Variants in SLC24A3 observed in about 807,000 individuals in gnomAD.
SLC24A3 encodes the protein solute carrier family 24 member 3.
Under a neutral mutation model 75.8 loss-of-function variants are expected in SLC24A3, and 28 were observed. The ratio of observed to expected loss-of-function variants is 0.37; its 90% CI spans 0.27 to 0.51. The LOEUF (loss-of-function observed/expected upper bound fraction) is 0.51, where lower values mean the gene tolerates loss of function less well. SLC24A3 is among the 20% of genes least tolerant of loss of function. The pLI, the probability that SLC24A3 is intolerant of heterozygous loss-of-function variation, is 0.94. For missense variants in SLC24A3, 663 were observed against 847.8 expected (o/e 0.78, Z 2.71); for synonymous variants, 372 against 334.1 (o/e 1.11, Z -1.24).
intron 2 of SLC24A3, among the ~76,000 whole-genome samples, chr20:19,440,746 G>A (rs1022349608): frequency 1.3e-5 from 2 of 150,744 alleles, no homozygotes; most frequent in Admixed American, 1.3e-4. Flanking sequence ...CCAAGGAAGT[G>A]TGTCAGCAGA....
chr20:19,338,451 C>T (rs1449137663), intron 2 of SLC24A3, among the ~76,000 whole-genome samples: 1 of 152,180 alleles, frequency 6.6e-6, no homozygotes, highest in Non-Finnish European at 1.5e-5. Flanking sequence ...GTGGAACTCC[C>T]TGAGGCTGTG....
chr20:19,699,316 G>C (rs750500890), intron 15 of SLC24A3, among the ~76,000 whole-genome samples: 4 of 152,234 alleles, frequency 2.6e-5, no homozygotes, highest in Non-Finnish European at 5.9e-5. Context: ...ACGCCCTGGC[G>C]GGGAGAGGGG....
chr20:19,602,803 C>T (rs998551293), intron 6 of SLC24A3, among the ~76,000 whole-genome samples: 10 of 152,106 alleles, frequency 6.6e-5, no homozygotes, highest in African/African-American at 2.2e-4. Flanking sequence ...CACGGGAGTC[C>T]CTGACTCTCT....
intron 2 of SLC24A3, 24 bp from the exon 3 acceptor site, chr20:19,515,464 C>G: frequency 6.2e-7 from 1 of 1,612,806 alleles, no homozygotes; most frequent in Non-Finnish European, 8.5e-7. Context: ...TGTGCTGAGA[C>G]GGTTTTCTTT....
At chr20:19,541,217 A>G (rs1353628889) in intron 3 of SLC24A3, among the ~76,000 whole-genome samples, 2 of 152,228 alleles carry the variant, frequency 1.3e-5, no homozygotes, top group East Asian at 1.9e-4. Context: ...AATGGCTTGT[A>G]TGGAAGTCTT....
At chr20:19,675,948 T>C (rs570666575) in intron 9 of SLC24A3, among the ~76,000 whole-genome samples, 3 of 152,298 alleles carry the variant, frequency 2.0e-5, no homozygotes, top group Admixed American at 6.5e-5. Flanking sequence ...ATCGTTTCAA[T>C]TTTTTAACAT....
At chr20:19,678,489 C>T (rs1308984164) in intron 9 of SLC24A3, among the ~76,000 whole-genome samples, 5 of 137,694 alleles carry the variant, frequency 3.6e-5, no homozygotes, top group South Asian at 2.3e-4. Flanking sequence ...CCCTCCCGGA[C>T]GGGGCGGCTG....
In SLC24A3 at chr20:19,392,286, G is replaced by A. The variant is rs550562286; in HGVS notation, c.271+111199G>A. On this transcript the variant is annotated intron_variant, in intron 2 of 16. Transcript: ENST00000328041. ...CCTGTGGGTACAGGTGGGCAGAAGG[G>A]TGGTCACGGAGGGACATAATTCATT... Among the ~76,000 whole-genome samples, 18 of 152,306 alleles carry A rather than the reference G, an allele frequency of 1.2e-4. 1 individual carries two copies. Among genetic ancestry groups the A allele is most frequent in the Non-Finnish European group, 1.6e-4 (11 of 68,022 alleles).
chr20:19,596,973 A>G (rs2031460189), intron 6 of SLC24A3, among the ~76,000 whole-genome samples: 1 of 152,240 alleles, frequency 6.6e-6, no homozygotes, highest in African/African-American at 2.4e-5. Flanking sequence ...CTAGGCTGCA[A>G]TATCATTAGC....
At chr20:19,535,719 C>CA (rs2030383917) in intron 3 of SLC24A3, among the ~76,000 whole-genome samples, 1 of 152,108 alleles carries the variant, frequency 6.6e-6, no homozygotes, top group South Asian at 2.1e-4. Context: ...GCATAACAAA[C>CA]AAAAAGAATC....
At chr20:19,427,069 A>ATGTG (rs138651975) in intron 2 of SLC24A3, among the ~76,000 whole-genome samples, 1 of 151,808 alleles carries the variant, frequency 6.6e-6, no homozygotes, top group Non-Finnish European at 1.5e-5. Context: ...GTGTGTGTGC[A>ATGTG]TGTGTGTGTG....
At chr20:19,596,617 G>A (rs1007725437) in intron 6 of SLC24A3, among the ~76,000 whole-genome samples, 2 of 152,110 alleles carry the variant, frequency 1.3e-5, no homozygotes, top group Non-Finnish European at 2.9e-5. Context: ...CTCCTGAGCC[G>A]CCCAACCCTC....
chr20:19,479,908 T>C (rs530914917), intron 2 of SLC24A3, among the ~76,000 whole-genome samples: 10 of 152,210 alleles, frequency 6.6e-5, no homozygotes, highest in Non-Finnish European at 1.5e-4. Flanking sequence ...TGAAAGAAAA[T>C]TTTAAAGGGC....
At chr20:19,576,783 AT>A (rs1376560082) in intron 3 of SLC24A3, among the ~76,000 whole-genome samples, 2 of 152,204 alleles carry the variant, frequency 1.3e-5, no homozygotes, top group Admixed American at 1.3e-4. Context: ...GAGATGGTTT[AT>A]GGACTTCTAG....
chr20:19,327,047 T>C (rs1360919408), intron 2 of SLC24A3, among the ~76,000 whole-genome samples: 1 of 152,220 alleles, frequency 6.6e-6, no homozygotes, highest in African/African-American at 2.4e-5. Context: ...TTAATTTAAC[T>C]TTTTTATTTC....
rs1046733339 is a variant in SLC24A3 at position 19,506,422 on chromosome 20, G to A, written c.272-9066G>A. ...TTTGTTTCTGGTTTTTGAAGGGAAG[G>A]ACTTATGCCCTTAAAAAAACAAGAA... On this transcript the variant is annotated intron_variant, in intron 2 of 16. Coordinates refer to ENST00000328041, the MANE Select transcript of SLC24A3 (RefSeq NM_020689.4). Among the ~76,000 whole-genome samples, 5 of 151,952 alleles carry A rather than the reference G, an allele frequency of 3.3e-5. 1 individual carries two copies. The highest frequency in any genetic ancestry group is 5.9e-5 in the Non-Finnish European group (4 of 68,004).
At chr20:19,325,720 GCA>G (rs1491138943) in intron 2 of SLC24A3, among the ~76,000 whole-genome samples, 1 of 103,418 alleles carries the variant, frequency 9.7e-6, no homozygotes, top group African/African-American at 4.3e-5. Flanking sequence ...TTGCAAATAT[GCA>G]TATATATATA....
At chr20:19,612,556 T>A (rs2031683333) in intron 6 of SLC24A3, among the ~76,000 whole-genome samples, 1 of 151,806 alleles carries the variant, frequency 6.6e-6, no homozygotes, top group Non-Finnish European at 1.5e-5. Context: ...TAATATCACA[T>A]GTCAATGAAA....
intron 1 of SLC24A3, among the ~76,000 whole-genome samples, chr20:19,232,166 A>G (rs1350004052): frequency 6.6e-6 from 1 of 152,232 alleles, no homozygotes; most frequent in African/African-American, 2.4e-5. Context: ...ACCCTTGACA[A>G]TCAAAATATT....
Sources: allele counts gnomAD v4.1 joint callset (sites outside exome capture counted in the v4.1 genomes callset), GRCh38; gene constraint gnomAD v4.1.1; transcripts MANE v1.5; gene names NCBI Gene and HGNC (gene_info 2026-07-23, HGNC 2026-07-21).